Variants in AGBL3 observed in about 807,000 individuals in gnomAD.
AGBL3 encodes AGBL carboxypeptidase 3.
In AGBL3, 68 loss-of-function variants were observed where a neutral mutation model predicts 94.5. The ratio of observed to expected loss-of-function variants is 0.72; its 90% CI spans 0.59 to 0.88. The LOEUF (loss-of-function observed/expected upper bound fraction) is 0.88, where lower values mean the gene tolerates loss of function less well. AGBL3 is among the 40% of genes least tolerant of loss of function. The pLI, the probability that AGBL3 is intolerant of heterozygous loss-of-function variation, is 0.00. For missense variants in AGBL3, 934 were observed against 1,103.8 expected (o/e 0.85, Z 2.18); for synonymous variants, 354 against 370.7 (o/e 0.95, Z 0.52).
chr7:135,075,056 A>G (rs1316345981), intron 12 of AGBL3, among the ~76,000 whole-genome samples: 1 of 152,224 alleles, frequency 6.6e-6, no homozygotes, highest in African/African-American at 2.4e-5. Flanking sequence ...ATTCAGAGAG[A>G]TGCCAGGGAC....
intron 1 of AGBL3, among the ~76,000 whole-genome samples, chr7:134,987,328 C>G (rs1809594840): frequency 6.6e-6 from 1 of 152,168 alleles, no homozygotes; most frequent in African/African-American, 2.4e-5. Context: ...AAGATACTTG[C>G]ATAGAATGGT....
chr7:135,048,749 AGTT>A (rs1817603980), intron 11 of AGBL3, among the ~76,000 whole-genome samples: 1 of 115,364 alleles, frequency 8.7e-6, no homozygotes, highest in Non-Finnish European at 1.9e-5. Flanking sequence ...TAGTTCTCAC[AGTT>A]GTTTTTTTTT....
intron 15 of AGBL3, among the ~76,000 whole-genome samples, chr7:135,101,873 A>G (rs777010933): frequency 2.6e-5 from 4 of 152,170 alleles, no homozygotes; most frequent in Non-Finnish European, 1.5e-5. Flanking sequence ...CATGAGAGAT[A>G]ATTGAATCAT....
intron 4 of AGBL3, among the ~76,000 whole-genome samples, chr7:134,999,141 C>A (rs1460234473): frequency 6.6e-6 from 1 of 152,188 alleles, no homozygotes; most frequent in African/African-American, 2.4e-5. Context: ...AAGTGTGTTT[C>A]TTGGTCTGAA....
chr7:135,076,339 A>G lies in AGBL3; in HGVS notation c.1909-58A>G. 4 of 1,243,356 alleles carry G rather than the reference A, an allele frequency of 3.2e-6. No homozygotes were observed. The East Asian group carries it at 7.7e-5, about 24-fold the overall frequency. 77.0% of individuals were successfully genotyped at this position (1,243,356 alleles called of 1,614,324 possible). A position where few individuals can be genotyped will look rare whatever the true frequency, so the allele number is the denominator to read the frequency against. On this transcript the variant is annotated intron_variant, in intron 12 of 16. Coordinates refer to ENST00000436302, the MANE Select transcript of AGBL3 (RefSeq NM_178563.4). ...AATCTCGAAACAATTTCATGTCTGC[A>G]TATGTACTCTTTGATATGTTGATTA...
chr7:135,035,752 A>C (rs924113826), intron 7 of AGBL3, among the ~76,000 whole-genome samples: 6 of 152,166 alleles, frequency 3.9e-5, no homozygotes, highest in Non-Finnish European at 8.8e-5. Flanking sequence ...TTGGAAATTA[A>C]TCTGTTAGAA....
At chr7:135,102,280 C>G (rs1823951606) in intron 15 of AGBL3, among the ~76,000 whole-genome samples, 1 of 152,132 alleles carries the variant, frequency 6.6e-6, no homozygotes, top group Non-Finnish European at 1.5e-5. Flanking sequence ...AAAAATTGGA[C>G]TACCATGGAA....
At chr7:135,128,827 G>A (rs1828323660) in intron 16 of AGBL3, 1 of 1,160,666 alleles carries the variant, frequency 8.6e-7, no homozygotes, top group Non-Finnish European at 1.3e-6. Context: ...TGAGACAGCT[G>A]TGTGCAGGAT....
Position 135,034,126 on chromosome 7 carries a change from TCCC to T in AGBL3, c.558-22_558-20del, listed in dbSNP as rs1347921341. The T allele has an allele frequency of 7.2e-7, 1 of 1,387,330 alleles. No individual in the cohort carries two copies. 85.9% of individuals were successfully genotyped at this position (1,387,330 alleles called of 1,614,324 possible). ...ATTTTTACATTCTTACGTGCTTTTT[TCCC>T]TTTCTTTCTTGTGTATTAGGGCAGA... On this transcript the variant is annotated intron_variant, in intron 6 of 16. Coordinates refer to ENST00000436302, the MANE Select transcript of AGBL3 (RefSeq NM_178563.4).
intron 3 of AGBL3, among the ~76,000 whole-genome samples, chr7:134,991,820 GA>G (rs531740138): frequency 3.0e-4 from 43 of 143,732 alleles, no homozygotes; most frequent in East Asian, 4.1e-4. Context: ...TTAGTAAACA[GA>G]AAAAAAAAAA....
chr7:135,013,610 T>TTCTGGGATTTTCTGG (rs1563183478), intron 4 of AGBL3, among the ~76,000 whole-genome samples: 1 of 152,192 alleles, frequency 6.6e-6, no homozygotes, highest in African/African-American at 2.4e-5. Flanking sequence ...ACATTGTGGT[T>TTCTGGGATTTTCTGG]GACTCATTGT....
In AGBL3 at chr7:134,993,480, A is replaced by G. The variant is rs1442982995; in HGVS notation, c.125-13A>G. The G allele has an allele frequency of 6.6e-6, 10 of 1,526,474 alleles. No individual in the cohort carries two copies. Among genetic ancestry groups the G allele is most frequent in the East Asian group, 2.5e-5 (1 of 40,430 alleles). 94.6% of individuals were successfully genotyped at this position (1,526,474 alleles called of 1,614,324 possible). A position where few individuals can be genotyped will look rare whatever the true frequency, so the allele number is the denominator to read the frequency against. On this transcript the variant is annotated splice_polypyrimidine_tract_variant and intron_variant, in intron 3 of 16. Transcript: ENST00000436302. ...TCTTCCCACTCATGATTGTGTTTGA[A>G]TCTTTTTCTCAGCTGACTCTTTTGG...
chr7:135,022,107 GA>G (rs913073058), intron 5 of AGBL3, among the ~76,000 whole-genome samples: 1 of 152,254 alleles, frequency 6.6e-6, no homozygotes, highest in Admixed American at 6.5e-5. Flanking sequence ...TTGCCATTGT[GA>G]ATAGTGATGC....
chr7:135,134,806 T>C (rs1451096922), intron 16 of AGBL3, 35 bp from the exon 17 acceptor site: 1 of 1,533,984 alleles, frequency 6.5e-7, no homozygotes, highest in Non-Finnish European at 8.8e-7. Flanking sequence ...AGGTCCATGA[T>C]GGACAAAAAT....
At chr7:135,013,137 G>C (rs928400521) in intron 4 of AGBL3, among the ~76,000 whole-genome samples, 1 of 152,018 alleles carries the variant, frequency 6.6e-6, no homozygotes, top group African/African-American at 2.4e-5. Context: ...ATTTCTCAAA[G>C]AATTATAATA....
At chr7:135,074,582 A>G (rs893450195) in intron 12 of AGBL3, among the ~76,000 whole-genome samples, 1 of 152,010 alleles carries the variant, frequency 6.6e-6, no homozygotes, top group Non-Finnish European at 1.5e-5. Flanking sequence ...CTTTCCCTCC[A>G]TTTGCCAATC....
intron 4 of AGBL3, among the ~76,000 whole-genome samples, chr7:134,996,723 A>G (rs1464246759): frequency 1.3e-5 from 2 of 152,164 alleles, no homozygotes; most frequent in African/African-American, 4.8e-5. Context: ...AACTGCATAA[A>G]TATCCTTTTA....
At chr7:135,044,530 T>A (rs1563212291) in intron 9 of AGBL3, among the ~76,000 whole-genome samples, 1 of 152,118 alleles carries the variant, frequency 6.6e-6, no homozygotes, top group Non-Finnish European at 1.5e-5. Context: ...AGCACTTGGT[T>A]CCCTGAACAA....
chr7:135,065,764 C>T (rs753478674), intron 12 of AGBL3, among the ~76,000 whole-genome samples: 3 of 152,066 alleles, frequency 2.0e-5, no homozygotes, highest in African/African-American at 2.4e-5. Flanking sequence ...TGGTGGCTCA[C>T]GCCTATAGTC....
Sources: gnomAD v4.1 joint callset for allele counts (sites outside exome capture counted in the v4.1 genomes callset) on GRCh38, gnomAD v4.1.1 for gene constraint, MANE v1.5 for transcripts, NCBI Gene and HGNC (gene_info 2026-07-23, HGNC 2026-07-21) for gene names.